The following AFF2 variants were observed in gnomAD, a reference collection of about 807,000 sequenced individuals.
The protein encoded by AFF2 is AF4/FMR2 family member 2.
In AFF2, 14 loss-of-function variants were observed where a neutral mutation model predicts 76.9. The observed-to-expected ratio is 0.18, with a 90% confidence interval of 0.12 to 0.28. The LOEUF is 0.28. Ranked by LOEUF, AFF2 falls within the 10% of genes least tolerant of loss-of-function variation. The pLI is 1.00. For missense variants in AFF2, 868 were observed against 1,001.1 expected, an observed-to-expected ratio of 0.87 and a Z score of 1.79; for synonymous variants, 398 against 366.7, an observed-to-expected ratio of 1.09 and a Z score of -0.98.
Position 148,527,721 on chromosome X carries a change from C to CA in AFF2, c.47+26584dup, listed in dbSNP as rs782221642. ...ATTTTTTTTCAAAATAAAAATGTTT[C>CA]AAAAAAACAAATGAGAAATGTTCCC... On this transcript the variant is annotated intron_variant, in intron 1 of 20. Transcript: ENST00000370460. Among the ~76,000 whole-genome samples the CA allele has an allele frequency of 6.4e-3, 706 of 111,171 alleles. 8 individuals are homozygous for CA. The highest frequency in any genetic ancestry group is 0.022 in the African/African-American group (659 of 30,648).
At chrX:148,660,381 C>T (rs2054292211) in intron 2 of AFF2, among the ~76,000 whole-genome samples, 1 of 111,297 alleles carries the variant, frequency 9.0e-6, no homozygotes, top group Admixed American at 9.6e-5. Flanking sequence ...TCTTCTCATT[C>T]TATGTTTTCT....
chrX:148,682,656 G>C (rs144445357), intron 3 of AFF2, among the ~76,000 whole-genome samples: 46 of 111,601 alleles, frequency 4.1e-4, no homozygotes, highest in African/African-American at 1.2e-3. Flanking sequence ...GACATAGTAA[G>C]TTTAGGATCT....
intron 19 of AFF2, among the ~76,000 whole-genome samples, chrX:148,986,066 A>C (rs782732644): frequency 3.4e-5 from 3 of 87,612 alleles, no homozygotes; most frequent in Non-Finnish European, 6.3e-5. Flanking sequence ...TGGGAGCCAC[A>C]CTGGAAAACT....
At chrX:148,806,955 T>C (rs2070143987) in intron 3 of AFF2, among the ~76,000 whole-genome samples, 1 of 112,245 alleles carries the variant, frequency 8.9e-6, no homozygotes, top group Admixed American at 9.4e-5. Flanking sequence ...AAAACAGCAG[T>C]GGGCCCGGGC....
intron 1 of AFF2, among the ~76,000 whole-genome samples, chrX:148,587,075 C>T (rs1199438606): frequency 1.8e-5 from 2 of 111,798 alleles, no homozygotes; most frequent in Non-Finnish European, 1.9e-5. Context: ...TCCTTGCTCT[C>T]ATCACTCTAG....
At chrX:148,912,814 G>A (rs1237154722) in intron 9 of AFF2, among the ~76,000 whole-genome samples, 5 of 111,205 alleles carry the variant, frequency 4.5e-5, no homozygotes, top group Admixed American at 9.5e-5. Context: ...GGGTCCCACC[G>A]AGTGAGATAC....
At chrX:148,691,085 C>T (rs1422520519) in intron 3 of AFF2, among the ~76,000 whole-genome samples, 2 of 111,824 alleles carry the variant, frequency 1.8e-5, no homozygotes, top group East Asian at 2.8e-4. Context: ...GATGTTAGGA[C>T]ATTCATATAT....
intron 1 of AFF2, among the ~76,000 whole-genome samples, chrX:148,632,722 G>A: frequency 8.9e-6 from 1 of 111,947 alleles, no homozygotes; most frequent in Non-Finnish European, 1.9e-5. Flanking sequence ...CTGGAAAGTA[G>A]GAGAAGTTAT....
At position 148,653,229 on chromosome X, in the gene AFF2, T is replaced by C. The variant is rs190553300; in HGVS notation, c.180+1098T>C. On this transcript the variant is annotated intron_variant, in intron 2 of 20. Transcript: ENST00000370460. ...TTTCAATCTGTCAGTAATAGTATGATCCCTAAAAAAGCAGTGTTCCCATAT... is the reference window on the plus strand; with the variant it reads ...TTTCAATCTGTCAGTAATAGTATGACCCCTAAAAAAGCAGTGTTCCCATAT... Among the ~76,000 whole-genome samples the C allele has an allele frequency of 1.1e-4, 12 of 111,888 alleles. No individual in the cohort carries two copies. The East Asian group carries it at 3.4e-3, about 31-fold the overall frequency.
chrX:148,836,034 T>G (rs1010400524), intron 4 of AFF2, among the ~76,000 whole-genome samples: 3 of 111,958 alleles, frequency 2.7e-5, no homozygotes, highest in Non-Finnish European at 5.6e-5. Flanking sequence ...AAGAGATCAC[T>G]GAGTATTTTT....
chrX:148,632,111 T>C (rs1481726255), intron 1 of AFF2, among the ~76,000 whole-genome samples: 2 of 112,253 alleles, frequency 1.8e-5, no homozygotes, highest in African/African-American at 6.5e-5. Flanking sequence ...TGAACTTGAA[T>C]GTTAACTTAA....
At chrX:148,539,640 A>G (rs1174408277) in intron 1 of AFF2, among the ~76,000 whole-genome samples, 1 of 110,165 alleles carries the variant, frequency 9.1e-6, no homozygotes, top group Non-Finnish European at 1.9e-5. Flanking sequence ...TCCCCACCCA[A>G]CATTCTCTAA....
chrX:148,704,480 GTA>G (rs1163310455), intron 3 of AFF2, among the ~76,000 whole-genome samples: 1 of 48,254 alleles, frequency 2.1e-5, no homozygotes, highest in Non-Finnish European at 4.7e-5. Flanking sequence ...ATATATATGT[GTA>G]TATATATATT....
intron 1 of AFF2, among the ~76,000 whole-genome samples, chrX:148,556,702 G>A (rs2053056026): frequency 8.9e-6 from 1 of 111,886 alleles, no homozygotes; most frequent in Non-Finnish European, 1.9e-5. Flanking sequence ...AGGCTTTATC[G>A]CATTGGCCAT....
At chrX:148,751,072 C>T (rs57349478) in intron 3 of AFF2, among the ~76,000 whole-genome samples, 1,294 of 111,981 alleles carry the variant, frequency 0.012, 16 homozygotes, top group African/African-American at 0.04. Flanking sequence ...TACTTATTTC[C>T]AAATTCTCCA....
intron 3 of AFF2, among the ~76,000 whole-genome samples, chrX:148,695,402 G>C (rs1319332956): frequency 8.9e-6 from 1 of 111,773 alleles, no homozygotes; most frequent in African/African-American, 3.3e-5. Flanking sequence ...CCGAAGACAG[G>C]CCTGATGAAT....
chrX:148,829,061 C>T (rs193108138), intron 4 of AFF2, among the ~76,000 whole-genome samples: 31 of 112,493 alleles, frequency 2.8e-4, no homozygotes, highest in African/African-American at 9.3e-4. Context: ...TTTCCAGATT[C>T]CCTTAAACAA....
chrX:148,907,524 G>A (rs1557281563), intron 9 of AFF2, among the ~76,000 whole-genome samples: 1 of 111,350 alleles, frequency 9.0e-6, no homozygotes, highest in East Asian at 2.8e-4. Flanking sequence ...GGGTGTCCGG[G>A]GGGGACATCA....
Position 148,643,753 on chromosome X carries a change from C to T in AFF2, c.48-8246C>T, listed in dbSNP as rs782622386. ...TCCATAGTTGTAAAGGGATAACTGA[C>T]ACATTCTGAGCTGCTTGGGGGAGAA... is the stretch of plus-strand genomic sequence containing the variant. On this transcript the variant is annotated intron_variant, in intron 1 of 20. Transcript: ENST00000370460. Among the ~76,000 whole-genome samples, 3 of 111,424 alleles carry T rather than the reference C, an allele frequency of 2.7e-5. No homozygotes were observed. The Admixed American group carries it at 2.9e-4, about 11-fold the overall frequency.
Sources: gnomAD v4.1 joint callset for allele counts (sites outside exome capture counted in the v4.1 genomes callset) on GRCh38, gnomAD v4.1.1 for gene constraint, MANE v1.5 for transcripts, NCBI Gene and HGNC (gene_info 2026-07-23, HGNC 2026-07-21) for gene names.